TIAM1: variants seen among roughly 807,000 people sequenced by gnomAD.
The protein encoded by TIAM1 is TIAM Rac1 associated GEF 1, also known as rho guanine nucleotide exchange factor TIAM1.
A neutral mutation model predicts 163.5 loss-of-function variants in TIAM1; 65 were observed. The observed-to-expected ratio is 0.40, with a 90% CI of 0.33 to 0.49. The LOEUF (loss-of-function observed/expected upper bound fraction) is 0.49, where lower values mean the gene tolerates loss of function less well. Among genes scored for constraint, TIAM1 ranks in the 20% least tolerant of loss-of-function variants. TIAM1 has a pLI of 0.77. For synonymous variants in TIAM1, 833 were observed against 810.1 expected (o/e 1.03, Z -0.48); for missense variants, 1,789 against 2,044.7 (o/e 0.87, Z 2.41).
Position 31,463,471 on chromosome 21 carries a change from G to A in TIAM1, c.-369+512C>T, listed in dbSNP as rs982616869. On this transcript the variant is annotated intron_variant, in intron 2 of 28. Coordinates refer to the TIAM1 transcript ENST00000286827. ...CCTCATCACTGTCACCTCCTAATTG[G>A]TCTCCCTGACTTTGCTCTTGCCTCA... Among the ~76,000 whole-genome samples, 2 of 152,048 alleles carry A rather than the reference G, an allele frequency of 1.3e-5. 1 individual carries two copies. The highest frequency in any genetic ancestry group is 4.1e-4 in the South Asian group (2 of 4,834).
chr21:31,470,439 T>C (rs2045699895), intron 1 of TIAM1, among the ~76,000 whole-genome samples: 1 of 152,196 alleles, frequency 6.6e-6, no homozygotes, highest in African/African-American at 2.4e-5. Flanking sequence ...GTTCAAGCGA[T>C]GCTCCTGCCT....
At chr21:31,146,653 G>C (rs1448350258) in intron 20 of TIAM1, among the ~76,000 whole-genome samples, 1 of 150,344 alleles carries the variant, frequency 6.7e-6, no homozygotes, top group Non-Finnish European at 1.5e-5. Context: ...AGAGGTCGCA[G>C]TGAGCCAAGA....
Position 31,208,391 on chromosome 21 carries a change from T to C in TIAM1, c.2388+1654A>G, listed in dbSNP as rs966323889. 2.0e-5 allele frequency among the ~76,000 whole-genome samples: 3 copies of C among 152,234 alleles called. No individual in the cohort carries two copies. In the South Asian group the frequency reaches 6.2e-4, roughly 31 times the overall value. On this transcript the variant is annotated intron_variant, in intron 11 of 27. Transcript: ENST00000541036. ...GAAAGTTCTACTTTTAACACCTTCA[T>C]CTGCAGATCTGACAATAACTCTTCA...
intron 2 of TIAM1, among the ~76,000 whole-genome samples, chr21:31,401,526 G>C (rs2077164117): frequency 6.6e-6 from 1 of 152,148 alleles, no homozygotes; most frequent in Non-Finnish European, 1.5e-5. Flanking sequence ...ACCTTTTGGA[G>C]AGCCTGCCTG....
chr21:31,439,390 A>G (rs2044338337), intron 2 of TIAM1, among the ~76,000 whole-genome samples: 3 of 152,200 alleles, frequency 2.0e-5, no homozygotes, highest in African/African-American at 7.2e-5. Context: ...CCTGGGTTCA[A>G]GCGACTCTTG....
intron 2 of TIAM1, among the ~76,000 whole-genome samples, chr21:31,297,344 C>T (rs1189161327): frequency 6.6e-6 from 1 of 152,176 alleles, no homozygotes; most frequent in African/African-American, 2.4e-5. Flanking sequence ...TTTGGTTCTG[C>T]AAGACGAAAA....
chr21:31,486,358 C>G (rs1326353552), intron 1 of TIAM1, among the ~76,000 whole-genome samples: 1 of 152,210 alleles, frequency 6.6e-6, no homozygotes, highest in African/African-American at 2.4e-5. Flanking sequence ...GTCATCCTGC[C>G]CTCAAATCTG....
chr21:31,312,923 G>A (rs2074984193), intron 2 of TIAM1, among the ~76,000 whole-genome samples: 1 of 152,254 alleles, frequency 6.6e-6, no homozygotes, highest in Admixed American at 6.5e-5. Flanking sequence ...ACAGAAATGT[G>A]TGCCAGGGGG....
intron 16 of TIAM1, 67 bp downstream of exon 16, chr21:31,164,895 G>T: frequency 1.3e-6 from 2 of 1,488,576 alleles, no homozygotes; most frequent in Non-Finnish European, 1.9e-6. Context: ...CAGCTGTGTA[G>T]GTGACATTGT....
chr21:31,320,334 G>C (rs943735805), intron 2 of TIAM1, among the ~76,000 whole-genome samples: 1 of 152,142 alleles, frequency 6.6e-6, no homozygotes, highest in Admixed American at 6.5e-5. Context: ...ATTGCTTGCT[G>C]GGTACATATT....
intron 1 of TIAM1, among the ~76,000 whole-genome samples, chr21:31,486,778 T>C (rs1021267304): frequency 1.3e-5 from 2 of 152,216 alleles, no homozygotes; most frequent in African/African-American, 2.4e-5. Flanking sequence ...AAGCACTTTG[T>C]GCAAAGCTGC....
At position 31,120,853 on chromosome 21, in the gene TIAM1, A is replaced by C. The variant is rs1206767515; in HGVS notation, c.4307-16T>G. The C allele has an allele frequency of 8.3e-6, 13 of 1,564,746 alleles. No individual in the cohort carries two copies. Among genetic ancestry groups the C allele is most frequent in the Admixed American group, 3.9e-5 (2 of 51,732 alleles). ...GGGGCAGACACTGCACACACACACAAAAATATAAAAATAAAACCCCCACAT... is the reference window on the plus strand; with the variant it reads ...GGGGCAGACACTGCACACACACACACAAATATAAAAATAAAACCCCCACAT... On this transcript the variant is annotated splice_polypyrimidine_tract_variant and intron_variant, in intron 27 of 27. Transcript: ENST00000541036. The surrounding 1 kb of genome is among the most constrained non-coding windows in gnomAD (Gnocchi z 4.2).
At chr21:31,237,536 CACTT>C (rs984402402) in intron 6 of TIAM1, among the ~76,000 whole-genome samples, 39 of 152,186 alleles carry the variant, frequency 2.6e-4, no homozygotes, top group African/African-American at 2.4e-5. Flanking sequence ...ATCTATCAGA[CACTT>C]ACCATCATTA....
intron 2 of TIAM1, among the ~76,000 whole-genome samples, chr21:31,457,768 C>T (rs1043803133): frequency 1.3e-5 from 2 of 152,206 alleles, no homozygotes; most frequent in Non-Finnish European, 2.9e-5. Context: ...GCCAGTGGAT[C>T]TCAACCAGGG....
intron 2 of TIAM1, among the ~76,000 whole-genome samples, chr21:31,329,433 AG>A (rs572519382): frequency 1.5e-3 from 222 of 152,348 alleles, no homozygotes; most frequent in African/African-American, 5.2e-3. Context: ...CCTTGTGGGA[AG>A]GGTGATAAGA....
chr21:31,363,160 C>T (rs961482292), intron 2 of TIAM1, among the ~76,000 whole-genome samples: 3 of 152,104 alleles, frequency 2.0e-5, no homozygotes, highest in Non-Finnish European at 4.4e-5. Flanking sequence ...AAACTGCGGA[C>T]GTCAGCCTAA....
intron 2 of TIAM1, among the ~76,000 whole-genome samples, chr21:31,361,837 TTAGA>T (rs75126984): frequency 0.039 from 5,827 of 147,684 alleles, 136 homozygotes; most frequent in Non-Finnish European, 0.05. Flanking sequence ...GGAAGAAAGA[TTAGA>T]TAGATAGATA....
chr21:31,440,919 A>G (rs899584958), intron 2 of TIAM1, among the ~76,000 whole-genome samples: 1 of 152,170 alleles, frequency 6.6e-6, no homozygotes, highest in South Asian at 2.1e-4. Context: ...TAAACTGTCC[A>G]CTTTAATTAG....
In TIAM1 at chr21:31,202,944, G is replaced by C; in HGVS notation, c.2457C>G (p.Leu819=). 6.2e-7 allele frequency: 1 copy of C among 1,614,148 alleles called. No homozygotes were observed. The highest frequency in any genetic ancestry group is 8.5e-7 in the Non-Finnish European group (1 of 1,180,032). The part of the protein sequence containing the change: ...LKFLIENKMQ[L]YVPQPEEDIY... ...TGTCTTCCTCGGGCTGTGGAACATA[G>C]AGCTGCATTTTGTTTTCTATTAGAA... The change falls in exon 12 of 28, where the codon CTC becomes CTG. Residue 819 remains leucine, a synonymous_variant. Transcript: ENST00000541036.
Sources: allele counts gnomAD v4.1 joint callset (sites outside exome capture counted in the v4.1 genomes callset), GRCh38; gene constraint gnomAD v4.1.1; non-coding constraint Gnocchi (gnomAD v3.1); transcripts MANE v1.5; gene names NCBI Gene and HGNC (gene_info 2026-07-23, HGNC 2026-07-21).